CACNA1G: variants seen among roughly 807,000 people sequenced by gnomAD.
CACNA1G encodes voltage-dependent T-type calcium channel subunit alpha-1G.
Under a neutral mutation model 219.4 loss-of-function variants are expected in CACNA1G, and 67 were observed. The ratio of observed to expected loss-of-function variants is 0.31; its 90% CI spans 0.25 to 0.37. The LOEUF (loss-of-function observed/expected upper bound fraction) is 0.37. Ranked by LOEUF, CACNA1G falls within the 10% of genes least tolerant of loss-of-function variation. The pLI is 1.00. For synonymous variants in CACNA1G, 1,296 were observed against 1,345.3 expected, an observed-to-expected ratio of 0.96 and a Z score of 0.80; for missense variants, 2,380 against 3,231.4, an observed-to-expected ratio of 0.74 and a Z score of 6.39.
chr17:50,616,515 G>A, intron 28 of CACNA1G, 131 bp downstream of exon 28: 1 of 572,582 alleles, frequency 1.7e-6, no homozygotes, highest in South Asian at 2.3e-5. Flanking sequence ...CCACCCTGTG[G>A]CTGACGTAGG....
rs2045592379 is a variant in CACNA1G, at chr17:50,596,552, C to T, written c.2980-10C>T. ...CGGATCCCTAATGGTCCGCTGCTCC[C>T]CTGCCCTAGGGAGATGCCAACAAGT... On this transcript the variant is annotated splice_polypyrimidine_tract_variant and intron_variant, in intron 14 of 37. Coordinates refer to ENST00000359106, the MANE Select transcript of CACNA1G (RefSeq NM_018896.5). This position sits in a 1 kb window ranked among gnomAD's most constrained non-coding sequence, Gnocchi z 4.8. The T allele has an allele frequency of 3.1e-6, 5 of 1,613,462 alleles. No individual in the cohort carries two copies. The highest frequency in any genetic ancestry group is 1.1e-5 in the South Asian group (1 of 91,062).
rs571526702 is a variant in CACNA1G at position 50,596,723 on chromosome 17, C to G, written c.3065-7C>G. On this transcript the variant is annotated splice_region_variant and splice_polypyrimidine_tract_variant and intron_variant, in intron 15 of 37. Transcript: ENST00000359106. The surrounding 1 kb of genome is among the most constrained non-coding windows in gnomAD (Gnocchi z 4.8). ...GACTCGGGATCTCTCCCTCTCTCCC[C>G]GTGCAGTGGTGTCCCTGGGAGAGCA... 17 of 1,613,308 alleles carry G rather than the reference C, an allele frequency of 1.1e-5. No homozygotes were observed. Among genetic ancestry groups the G allele is most frequent in the South Asian group, 8.8e-5 (8 of 91,030 alleles).
chr17:50,622,068 A>T (rs2052256354), intron 35 of CACNA1G, among the ~76,000 whole-genome samples: 1 of 152,104 alleles, frequency 6.6e-6, no homozygotes, highest in Admixed American at 6.5e-5. Context: ...TGAAAAAGTG[A>T]ATCCAGACAC....
At chr17:50,590,847 C>T (rs1350198654) in intron 10 of CACNA1G, among the ~76,000 whole-genome samples, 1 of 152,164 alleles carries the variant, frequency 6.6e-6, no homozygotes, top group African/African-American at 2.4e-5. Flanking sequence ...TTGGGCTCAC[C>T]TCTTCATTGC....
intron 22 of CACNA1G, among the ~76,000 whole-genome samples, chr17:50,604,588 C>T (rs756215585): frequency 2.0e-5 from 3 of 152,244 alleles, no homozygotes; most frequent in Non-Finnish European, 4.4e-5. Flanking sequence ...CGGTCTACTC[C>T]GGGATCCCCT....
Position 50,626,178 on chromosome 17 carries a change from C to A in CACNA1G, c.6561C>A (p.Ile2187=). ...AQQHSRSHSK[I]SKHMTPPAPC... is the part of the protein sequence containing the mutation. ...AGCACTCCCGCAGCCACAGCAAGAT[C>A]TCCAAGCACATGACCCCGCCAGCCC... The change falls in exon 38 of 38, where the codon ATC becomes ATA. Residue 2187 remains isoleucine, a synonymous_variant. Transcript: ENST00000359106. This position sits in a 1 kb window ranked among gnomAD's most constrained non-coding sequence, Gnocchi z 4.3. 1 of 1,613,906 alleles carries A rather than the reference C, an allele frequency of 6.2e-7. No individual in the cohort carries two copies. Among genetic ancestry groups the A allele is most frequent in the Non-Finnish European group, 8.5e-7 (1 of 1,179,860 alleles).
At chr17:50,597,780 C>A (rs2045863877) in intron 16 of CACNA1G, among the ~76,000 whole-genome samples, 1 of 152,192 alleles carries the variant, frequency 6.6e-6, no homozygotes, top group Non-Finnish European at 1.5e-5. Context: ...GCTAAGCCTT[C>A]CCCATTGGTC....
chr17:50,591,331 C>T (rs571398432), intron 10 of CACNA1G, 104 bp from the exon 11 acceptor site: 41 of 1,173,818 alleles, frequency 3.5e-5, no homozygotes, highest in South Asian at 3.1e-4. Flanking sequence ...TTTCTCTCGA[C>T]GTGCCCACCC....
intron 9 of CACNA1G, among the ~76,000 whole-genome samples, 199 bp from the exon 10 acceptor site, chr17:50,590,272 C>T (rs1043456047): frequency 9.9e-5 from 15 of 152,148 alleles, no homozygotes; most frequent in South Asian, 2.1e-4. Context: ...GTGGCCCTTT[C>T]CTGGGGCCCC....
At chr17:50,613,295 G>A (rs774318820) in intron 26 of CACNA1G, among the ~76,000 whole-genome samples, 4 of 152,242 alleles carry the variant, frequency 2.6e-5, no homozygotes, top group South Asian at 2.1e-4. Context: ...CTCTAATGGG[G>A]GATTTCTGGC....
At chr17:50,598,062 C>T (rs547100646) in intron 16 of CACNA1G, among the ~76,000 whole-genome samples, 34 of 152,306 alleles carry the variant, frequency 2.2e-4, no homozygotes, top group African/African-American at 8.2e-4. Flanking sequence ...TCCGCTCTGT[C>T]GCCCAGGCTG....
At position 50,561,885 on chromosome 17, in the gene CACNA1G, G is replaced by A. The variant is rs928550938; in HGVS notation, c.242+184G>A. On this transcript the variant is annotated intron_variant, in intron 1 of 37. Coordinates refer to ENST00000359106, the MANE Select transcript of CACNA1G (RefSeq NM_018896.5). Reference sequence around the variant, plus strand: ...AGAGTGGGAGCGGAGACGCGAGCAGGTCTCGTCGGTAACCCGGGCTTACCC... The same window carrying A: ...AGAGTGGGAGCGGAGACGCGAGCAGATCTCGTCGGTAACCCGGGCTTACCC... 104 of 471,932 alleles carry A rather than the reference G, an allele frequency of 2.2e-4. 1 individual carries two copies. The African/African-American group carries it at 2.3e-3, about 10-fold the overall frequency. The allele number at this position is 471,932 out of a possible 1,614,324, so 29.2% of individuals were successfully genotyped here.
At chr17:50,566,702 A>G (rs945061969) in intron 1 of CACNA1G, among the ~76,000 whole-genome samples, 1 of 152,338 alleles carries the variant, frequency 6.6e-6, no homozygotes, top group East Asian at 1.9e-4. Context: ...AGACTTATTG[A>G]TTGGTTGATT....
intron 37 of CACNA1G, among the ~76,000 whole-genome samples, chr17:50,625,329 T>G (rs543591533): frequency 6.6e-6 from 1 of 152,322 alleles, no homozygotes; most frequent in South Asian, 2.1e-4. Context: ...CATGAGAATC[T>G]CAATCCCACA....
intron 34 of CACNA1G, 142 bp downstream of exon 34, chr17:50,619,968 A>G (rs932574731): frequency 8.4e-6 from 7 of 835,044 alleles, no homozygotes. Context: ...AGTTGAGTGC[A>G]AGAGGCAGTC....
intron 25 of CACNA1G, among the ~76,000 whole-genome samples, chr17:50,609,220 G>A (rs574333867): frequency 2.8e-4 from 42 of 152,260 alleles, no homozygotes; most frequent in African/African-American, 9.9e-4. Context: ...GAGTGTGGGA[G>A]TTGCAGACGA....
In CACNA1G at chr17:50,569,182, C is replaced by T. The variant is rs1042977055; in HGVS notation, c.372C>T (p.Ile124=). Residue 124 remains isoleucine (I), a synonymous_variant, in exon 3 of 38, where the codon ATC becomes ATT. Coordinates refer to ENST00000359106, the MANE Select transcript of CACNA1G (RefSeq NM_018896.5). ...CACATCAGGCCTTTGATGACTTCAT[C>T]TTTGCCTTCTTTGCCGTGGAGATGG... is the stretch of plus-strand genomic sequence containing the variant. ...CRILQAFDDF[I]FAFFAVEMVV... 2 of 1,613,754 alleles carry T rather than the reference C, an allele frequency of 1.2e-6. No homozygotes were observed. Among genetic ancestry groups the T allele is most frequent in the African/African-American group, 1.3e-5 (1 of 74,928 alleles).
intron 9 of CACNA1G, among the ~76,000 whole-genome samples, chr17:50,584,447 C>G (rs913235311): frequency 1.3e-5 from 2 of 151,914 alleles, no homozygotes; most frequent in Admixed American, 1.3e-4. Flanking sequence ...GAAGAGGGTC[C>G]CTGGACAGAG....
chr17:50,614,975 C>T (rs2050141835), intron 26 of CACNA1G, among the ~76,000 whole-genome samples: 1 of 152,244 alleles, frequency 6.6e-6, no homozygotes, highest in Non-Finnish European at 1.5e-5. Flanking sequence ...GATGGCGCGT[C>T]CTCTGAGCCT....
Sources: gnomAD v4.1 joint callset for allele counts (sites outside exome capture counted in the v4.1 genomes callset) on GRCh38, gnomAD v4.1.1 for gene constraint, Gnocchi (gnomAD v3.1) non-coding constraint, MANE v1.5 for transcripts, NCBI Gene and HGNC (gene_info 2026-07-23, HGNC 2026-07-21) for gene names.